The following PSD3 variants were observed in gnomAD, a reference collection of about 807,000 sequenced individuals.
PSD3 encodes pleckstrin and Sec7 domain containing 3, also known as PH and SEC7 domain-containing protein 3.
Under a neutral mutation model 105.5 loss-of-function variants are expected in PSD3, and 49 were observed. The observed-to-expected ratio is 0.46, with a 90% CI of 0.37 to 0.59. The LOEUF is 0.59. Ranked by LOEUF, PSD3 falls within the 20% of genes least tolerant of loss-of-function variation. PSD3 has a pLI of 0.00. For synonymous variants in PSD3, 557 were observed against 457.8 expected (o/e 1.22, Z -2.77); for missense variants, 1,561 against 1,263.8 (o/e 1.24, Z -3.57).
intron 2 of PSD3, among the ~76,000 whole-genome samples, chr8:18,919,539 G>C (rs1489092560): frequency 6.6e-6 from 1 of 152,008 alleles, no homozygotes; most frequent in Non-Finnish European, 1.5e-5. Context: ...AGCATGGAAA[G>C]CATCCAAGGT....
intron 9 of PSD3, among the ~76,000 whole-genome samples, chr8:18,747,301 GA>G (rs1805109771): frequency 6.6e-6 from 1 of 152,288 alleles, no homozygotes; most frequent in South Asian, 2.1e-4. Flanking sequence ...TACAAACAAG[GA>G]AAATATAGGA....
At chr8:19,061,953 C>T (rs1333099254) in intron 1 of PSD3, among the ~76,000 whole-genome samples, 1 of 152,198 alleles carries the variant, frequency 6.6e-6, no homozygotes, top group Non-Finnish European at 1.5e-5. Flanking sequence ...AACTTTCCCT[C>T]CCCATCTGGG....
intron 4 of PSD3, among the ~76,000 whole-genome samples, chr8:18,855,126 C>T (rs1815905026): frequency 6.6e-6 from 1 of 152,162 alleles, no homozygotes; most frequent in Non-Finnish European, 1.5e-5. Context: ...TCCTGGGGAT[C>T]CTGCTATTTT....
chr8:18,667,369 CA>C (rs1225779122), intron 9 of PSD3, among the ~76,000 whole-genome samples: 2 of 152,106 alleles, frequency 1.3e-5, no homozygotes, highest in Non-Finnish European at 2.9e-5. Context: ...GAGCTAGACA[CA>C]AAGTGCTGAT....
Position 18,931,122 on chromosome 8 carries a change from A to AT in PSD3, c.130+4911dup, listed in dbSNP as rs143431609. On this transcript the variant is annotated intron_variant, in intron 2 of 15. Coordinates refer to ENST00000327040, the MANE Select transcript of PSD3 (RefSeq NM_015310.4). ...AAGTATCTGTTACAATCTTTTGCCC[A>AT]TTTTTTTTTCCCTTAGGGGATTTTC... is the stretch of plus-strand genomic sequence containing the variant. 6.0e-5 allele frequency among the ~76,000 whole-genome samples: 9 copies of AT among 149,852 alleles called. No homozygotes were observed. The East Asian group carries it at 9.8e-4, about 16-fold the overall frequency.
intron 1 of PSD3, among the ~76,000 whole-genome samples, chr8:18,996,637 C>G (rs1826092220): frequency 6.6e-6 from 1 of 151,914 alleles, no homozygotes; most frequent in Non-Finnish European, 1.5e-5. Flanking sequence ...CTGTCTTTCC[C>G]ATTGGTATTC....
rs758250928 is a variant in PSD3, at chr8:18,535,759, T to A, written c.3128A>T (p.Lys1043Met). 1.2e-6 allele frequency: 2 copies of A among 1,613,292 alleles called. No homozygotes were observed. The part of the protein sequence containing the change: ...KDHRPETPSI[K>M]QKVT ...AGATGGACTCTAAGTAACTTTTTGC[T>A]TAATGCTTGGTGTTTCAGGTCGGTG... The change falls in exon 16 of 16, where the codon AAG (lysine) becomes ATG (methionine). Residue 1043 changes from lysine to methionine, a missense_variant. Transcript: ENST00000327040.
chr8:18,621,127 G>C (rs1449104566), intron 11 of PSD3, among the ~76,000 whole-genome samples: 2 of 152,162 alleles, frequency 1.3e-5, no homozygotes, highest in Non-Finnish European at 1.5e-5. Context: ...ATTGCTTCCA[G>C]CCAGGCACGG....
intron 9 of PSD3, among the ~76,000 whole-genome samples, chr8:18,735,307 A>G (rs747347689): frequency 2.0e-5 from 3 of 152,116 alleles, no homozygotes; most frequent in Non-Finnish European, 4.4e-5. Flanking sequence ...AAAATTGGGA[A>G]AGCTTCACCT....
intron 4 of PSD3, among the ~76,000 whole-genome samples, chr8:18,827,733 G>A (rs990650360): frequency 1.3e-5 from 2 of 151,896 alleles, no homozygotes; most frequent in African/African-American, 2.4e-5. Flanking sequence ...AATACAGGGT[G>A]GATGGAGCAG....
intron 2 of PSD3, among the ~76,000 whole-genome samples, chr8:18,933,086 A>T (rs7840338): frequency 0.5 from 76,231 of 152,162 alleles, 20,746 homozygotes; most frequent in African/African-American, 0.71. Flanking sequence ...AACCTGCACA[A>T]AGGTGCTCAT....
chr8:18,582,515 T>C (rs1168350396), intron 12 of PSD3, among the ~76,000 whole-genome samples: 2 of 152,126 alleles, frequency 1.3e-5, no homozygotes, highest in Non-Finnish European at 2.9e-5. Flanking sequence ...CATCTTCTCC[T>C]CACTCTTGGA....
In PSD3 at chr8:18,871,909, G is replaced by T. The variant is rs1479036968; in HGVS notation, c.955C>A (p.Pro319Thr). The stretch of plus-strand genomic sequence containing the variant: ...TGCAGTGATGTCTCAAAATCTATAG[G>T]ATGCTGGGTCTCTCTCTTGTCTCCT... The part of the protein sequence containing the change: ...TGGDKRETQH[P>T]IDFETSLQRT... Residue 319 changes from proline to threonine, a missense_variant, in exon 3 of 16, where the codon CCT (proline) becomes ACT (threonine). Pro to Thr is a conservative substitution (Grantham distance 38, BLOSUM62 -1). Transcript: ENST00000327040. The T allele has an allele frequency of 3.7e-6, 6 of 1,614,168 alleles. No individual in the cohort carries two copies. The highest frequency in any genetic ancestry group is 5.1e-6 in the Non-Finnish European group (6 of 1,180,026).
chr8:18,923,134 G>A (rs1821142183), intron 2 of PSD3, among the ~76,000 whole-genome samples: 1 of 152,114 alleles, frequency 6.6e-6, no homozygotes, highest in Admixed American at 6.5e-5. Flanking sequence ...GGCCACACTG[G>A]AAGAACTGTC....
intron 1 of PSD3, among the ~76,000 whole-genome samples, chr8:18,951,674 A>T (rs1823243315): frequency 6.6e-6 from 1 of 152,132 alleles, no homozygotes; most frequent in Non-Finnish European, 1.5e-5. Context: ...TTGGACCCAA[A>T]CAATCAAGGA....
chr8:18,601,717 G>A (rs956385183), intron 11 of PSD3, among the ~76,000 whole-genome samples: 4 of 152,142 alleles, frequency 2.6e-5, no homozygotes, highest in East Asian at 1.9e-4. Flanking sequence ...CATTATTTCC[G>A]TTATAAAGCA....
chr8:18,957,306 G>C (rs1357208895), intron 1 of PSD3, among the ~76,000 whole-genome samples: 1 of 151,462 alleles, frequency 6.6e-6, no homozygotes, highest in East Asian at 1.9e-4. Context: ...GGGAGGCGGA[G>C]GTTATGGTGA....
intron 4 of PSD3, among the ~76,000 whole-genome samples, chr8:18,843,008 CCA>C (rs1814774388): frequency 6.6e-6 from 1 of 152,044 alleles, no homozygotes; most frequent in South Asian, 2.1e-4. Flanking sequence ...GTTATTTTTT[CCA>C]CAGTCAATAT....
intron 11 of PSD3, among the ~76,000 whole-genome samples, chr8:18,609,177 T>C (rs891618882): frequency 4.6e-5 from 7 of 152,210 alleles, no homozygotes; most frequent in African/African-American, 1.7e-4. Flanking sequence ...AAAACCATTT[T>C]ATTCCCCTCA....
Sources: allele counts gnomAD v4.1 joint callset (sites outside exome capture counted in the v4.1 genomes callset), GRCh38; gene constraint gnomAD v4.1.1; transcripts MANE v1.5; gene names NCBI Gene and HGNC (gene_info 2026-07-23, HGNC 2026-07-21).